SATL1: variants seen among roughly 807,000 people sequenced by gnomAD.
SATL1 encodes spermidine/spermine N1-acetyl transferase like 1.
A neutral mutation model predicts 51.8 loss-of-function variants in SATL1; 47 were observed. The observed-to-expected ratio is 0.91, with a 90% confidence interval of 0.72 to 1.16. The LOEUF is 1.16. Ranked by LOEUF, SATL1 falls within the 50% of genes most tolerant of loss-of-function variation. The pLI, the probability that SATL1 is intolerant of heterozygous loss-of-function variation, is 0.00. For missense variants in SATL1, 520 were observed against 526.4 expected (o/e 0.99, Z 0.12); for synonymous variants, 176 against 182.4 (o/e 0.97, Z 0.28).
intron 2 of SATL1, among the ~76,000 whole-genome samples, chrX:85,140,010 C>T (rs1022691370): frequency 9.0e-6 from 1 of 111,697 alleles, no homozygotes; most frequent in Admixed American, 9.5e-5. Context: ...CACTATCCTC[C>T]TAAATGTAAC....
At chrX:85,208,955 G>T (rs1213701431) in intron 2 of SATL1, 1 of 111,932 alleles carries the variant, frequency 8.9e-6, no homozygotes, top group Non-Finnish European at 1.9e-5. Flanking sequence ...TGGTGTTTTA[G>T]TCATGAAGTC....
intron 2 of SATL1, among the ~76,000 whole-genome samples, chrX:85,118,768 A>G (rs1246560472): frequency 9.0e-6 from 1 of 111,177 alleles, no homozygotes; most frequent in East Asian, 2.8e-4. Flanking sequence ...AAGTGTTCTT[A>G]TCACAAAAAT....
At chrX:85,149,904 A>G (rs1246844136) in intron 2 of SATL1, among the ~76,000 whole-genome samples, 3 of 111,989 alleles carry the variant, frequency 2.7e-5, no homozygotes, top group Non-Finnish European at 5.6e-5. Context: ...AATTAAAAGA[A>G]CTAGAAAAGC....
In SATL1 at chrX:85,163,312, G is replaced by A. The variant is rs780225064; in HGVS notation, c.-312-54032C>T. ...ATCTTTTCTTCTGCTGGGTTTGGGTGTAATTTATTCTTGTTTCCCTAATTC... is the reference window on the plus strand; with the variant it reads ...ATCTTTTCTTCTGCTGGGTTTGGGTATAATTTATTCTTGTTTCCCTAATTC... On this transcript the variant is annotated intron_variant, in intron 2 of 7. Coordinates refer to ENST00000644105, the MANE Select transcript of SATL1 (RefSeq NM_001367857.2). 2.7e-5 allele frequency among the ~76,000 whole-genome samples: 3 copies of A among 110,461 alleles called. No individual in the cohort carries two copies. In the South Asian group the frequency reaches 1.1e-3, roughly 42 times the overall value.
intron 2 of SATL1, chrX:85,211,839 T>C (rs1184846680): frequency 1.8e-5 from 2 of 112,018 alleles, no homozygotes; most frequent in Admixed American, 9.5e-5. Flanking sequence ...TATAAACATT[T>C]TCCCTTTAGC....
intron 1 of SATL1, among the ~76,000 whole-genome samples, chrX:85,236,611 T>C (rs1928485670): frequency 8.9e-6 from 1 of 111,740 alleles, no homozygotes. Flanking sequence ...CAATTGATGC[T>C]GAACAGGCAT....
intron 1 of SATL1, among the ~76,000 whole-genome samples, chrX:85,227,877 G>A (rs1049102882): frequency 1.7e-4 from 19 of 111,251 alleles, no homozygotes; most frequent in African/African-American, 4.9e-4. Context: ...AATATTTTAG[G>A]TATGGTGATG....
intron 1 of SATL1, among the ~76,000 whole-genome samples, chrX:85,225,627 T>C (rs971309846): frequency 8.9e-6 from 1 of 111,781 alleles, no homozygotes; most frequent in Non-Finnish European, 1.9e-5. Context: ...GGATGGGAGA[T>C]AAACCAGGAA....
chrX:85,190,261 T>C (rs748695347), intron 2 of SATL1, among the ~76,000 whole-genome samples: 1 of 112,159 alleles, frequency 8.9e-6, no homozygotes, highest in South Asian at 3.7e-4. Flanking sequence ...CCTTATCCAA[T>C]AGGATCTATC....
chrX:85,130,946 G>A (rs1361185224), intron 2 of SATL1, among the ~76,000 whole-genome samples: 1 of 111,897 alleles, frequency 8.9e-6, no homozygotes, highest in Non-Finnish European at 1.9e-5. Context: ...TTTCCATGTA[G>A]TTGTGCGGTT....
intron 2 of SATL1, among the ~76,000 whole-genome samples, chrX:85,133,371 C>A (rs1462753231): frequency 8.9e-6 from 1 of 112,098 alleles, no homozygotes; most frequent in East Asian, 2.8e-4. Context: ...ATGGTGGACA[C>A]CCCTCCCCCA....
At chrX:85,212,925 A>G (rs1927959523) in intron 2 of SATL1, 1 of 111,902 alleles carries the variant, frequency 8.9e-6, no homozygotes, top group African/African-American at 3.2e-5. Flanking sequence ...ATGATATGAT[A>G]GAATTAGACA....
At chrX:85,181,407 T>A (rs1430932672) in intron 2 of SATL1, among the ~76,000 whole-genome samples, 1 of 109,746 alleles carries the variant, frequency 9.1e-6, no homozygotes. Context: ...AGTTCCCAGA[T>A]TAACCTAGTA....
rs375289861 is a variant in SATL1, at chrX:85,206,902, C to T, written c.-313+17303G>A. Among the ~76,000 whole-genome samples, 16 of 111,203 alleles carry T rather than the reference C, an allele frequency of 1.4e-4. No individual in the cohort carries two copies. In the East Asian group the frequency reaches 3.7e-3, roughly 26 times the overall value. On this transcript the variant is annotated intron_variant, in intron 2 of 7. Transcript: ENST00000644105. ...TGGAAGGCTGTGTCTTTTATACAAGCAGAGAAAGTTTATTCACAGCAGAGT... is the reference window on the plus strand; with the variant it reads ...TGGAAGGCTGTGTCTTTTATACAAGTAGAGAAAGTTTATTCACAGCAGAGT...
chrX:85,196,361 CT>C (rs1360643210), intron 2 of SATL1, among the ~76,000 whole-genome samples: 2 of 111,613 alleles, frequency 1.8e-5, no homozygotes, highest in Non-Finnish European at 3.8e-5. Flanking sequence ...GATTAAAAGA[CT>C]TAGTATTGTT....
intron 2 of SATL1, among the ~76,000 whole-genome samples, chrX:85,196,473 A>G (rs1927563571): frequency 9.0e-6 from 1 of 111,541 alleles, no homozygotes; most frequent in Non-Finnish European, 1.9e-5. Flanking sequence ...GCTAAAATTC[A>G]TATGCAAATG....
chrX:85,100,031 C>T (rs1924851015), intron 4 of SATL1, among the ~76,000 whole-genome samples: 1 of 112,322 alleles, frequency 8.9e-6, no homozygotes, highest in Non-Finnish European at 1.9e-5. Flanking sequence ...CATGGTGAAA[C>T]CCCATCTCTA....
At chrX:85,169,415 A>G (rs1926922237) in intron 2 of SATL1, among the ~76,000 whole-genome samples, 1 of 110,853 alleles carries the variant, frequency 9.0e-6, no homozygotes, top group Admixed American at 9.5e-5. Context: ...ACTTTAACAA[A>G]TTTACAAGAA....
chrX:85,170,337 G>T (rs1248250869), intron 2 of SATL1, among the ~76,000 whole-genome samples: 6 of 111,415 alleles, frequency 5.4e-5, no homozygotes, highest in Admixed American at 9.5e-5. Flanking sequence ...AACACTAAAG[G>T]AATCTCAGTA....
Sources: allele counts gnomAD v4.1 joint callset (sites outside exome capture counted in the v4.1 genomes callset), GRCh38; gene constraint gnomAD v4.1.1; transcripts MANE v1.5; gene names NCBI Gene and HGNC (gene_info 2026-07-23, HGNC 2026-07-21).